Variants in PCDHGC3 observed in about 807,000 individuals in gnomAD.
PCDHGC3 encodes protocadherin gamma-C3.
PCDHGC3 carries 26 observed loss-of-function variants against 59.2 expected under a neutral mutation model. The observed-to-expected ratio is 0.44, with a 90% CI of 0.32 to 0.61. The LOEUF (loss-of-function observed/expected upper bound fraction) is 0.61. Among genes scored for constraint, PCDHGC3 ranks in the 20% least tolerant of loss-of-function variants. The pLI is 0.05. For missense variants in PCDHGC3, 1,080 were observed against 1,221.8 expected, an observed-to-expected ratio of 0.88 and a Z score of 1.73; for synonymous variants, 487 against 519.7, an observed-to-expected ratio of 0.94 and a Z score of 0.86.
At chr5:141,496,617 A>G (rs2099769939) in intron 2 of PCDHGC3, among the ~76,000 whole-genome samples, 2 of 152,236 alleles carry the variant, frequency 1.3e-5, no homozygotes, top group Admixed American at 1.3e-4. Flanking sequence ...AAAAAGCAGC[A>G]GATCAAAAGG....
intron 2 of PCDHGC3, among the ~76,000 whole-genome samples, chr5:141,504,794 A>G (rs2099841154): frequency 6.6e-6 from 1 of 151,718 alleles, no homozygotes; most frequent in African/African-American, 2.4e-5. Flanking sequence ...GGCCTCCTAC[A>G]TCTCCCCCTA....
intron 1 of PCDHGC3, among the ~76,000 whole-genome samples, chr5:141,483,599 G>A (rs1419379218): frequency 6.6e-6 from 1 of 152,048 alleles, no homozygotes; most frequent in African/African-American, 2.4e-5. Flanking sequence ...GGTCAGGCTG[G>A]TTTACACCTC....
chr5:141,487,475 C>A lies in PCDHGC3; in HGVS notation c.2431-7332C>A. 6.2e-7 allele frequency: 1 copy of A among 1,614,156 alleles called. No individual in the cohort carries two copies. The highest frequency in any genetic ancestry group is 8.5e-7 in the Non-Finnish European group (1 of 1,180,032). On this transcript the variant is annotated intron_variant, in intron 1 of 3. Transcript: ENST00000308177. This position sits in a 1 kb window ranked among gnomAD's most constrained non-coding sequence, Gnocchi z 5.0. ...TATCAAGTTTGTTGATGTGGGAGGC[C>A]ACTCTCATGGCTGTACACCCTTGGC...
chr5:141,490,132 A>G lies in PCDHGC3; in HGVS notation c.2431-4675A>G, dbSNP rs1245562757. The G allele has an allele frequency of 3.7e-6, 6 of 1,614,102 alleles. No homozygotes were observed. In the African/African-American group the frequency reaches 4.0e-5, roughly 11 times the overall value. ...GCGGAACCTCTTTGGCCTAGACCCTAGCAGTGGGGCAATCCATGTGTTGGG... is the reference window on the plus strand; with the variant it reads ...GCGGAACCTCTTTGGCCTAGACCCTGGCAGTGGGGCAATCCATGTGTTGGG... On this transcript the variant is annotated intron_variant, in intron 1 of 3. Coordinates refer to ENST00000308177, the MANE Select transcript of PCDHGC3 (RefSeq NM_002588.4). The surrounding 1 kb of genome is among the most constrained non-coding windows in gnomAD (Gnocchi z 5.4).
Position 141,490,220 on chromosome 5 carries a change from A to G in PCDHGC3, c.2431-4587A>G. 6.2e-7 allele frequency: 1 copy of G among 1,614,252 alleles called. No individual in the cohort carries two copies. Among genetic ancestry groups the G allele is most frequent in the Non-Finnish European group, 8.5e-7 (1 of 1,180,044 alleles). On this transcript the variant is annotated intron_variant, in intron 1 of 3. Coordinates refer to ENST00000308177, the MANE Select transcript of PCDHGC3 (RefSeq NM_002588.4). This position sits in a 1 kb window ranked among gnomAD's most constrained non-coding sequence, Gnocchi z 5.4. The stretch of plus-strand genomic sequence containing the variant: ...CATGCAAGAGCCCGTGACCAGGGAC[A>G]GCCTGCCATGGAGGGCCACTGTGTG...
intron 2 of PCDHGC3, among the ~76,000 whole-genome samples, chr5:141,504,948 T>C (rs1044527570): frequency 2.0e-5 from 3 of 152,080 alleles, no homozygotes; most frequent in Admixed American, 1.3e-4. Flanking sequence ...GAATGCACTA[T>C]GTTCAATGCA....
At position 141,489,088 on chromosome 5, in the gene PCDHGC3, GAC is replaced by G; in HGVS notation, c.2431-5718_2431-5717del. 5.8e-6 allele frequency: 2 copies of G among 347,236 alleles called. No homozygotes were observed. The highest frequency in any genetic ancestry group is 4.7e-5 in the East Asian group (1 of 21,502). The allele number at this position is 347,236 out of a possible 1,614,324, so 21.5% of individuals were successfully genotyped here. A position where few individuals can be genotyped will look rare whatever the true frequency, so the allele number is the denominator to read the frequency against. ...CCCCTGCCCACCCCCGCCACTCGGT[GAC>G]TAAGAACTGCTGCAAGCAGGCAAAC... On this transcript the variant is annotated intron_variant, in intron 1 of 3. Transcript: ENST00000308177. The surrounding 1 kb of genome is among the most constrained non-coding windows in gnomAD (Gnocchi z 4.5).
Position 141,476,854 on chromosome 5 carries a change from G to A in PCDHGC3, c.738G>A (p.Gln246=). The A allele has an allele frequency of 6.2e-7, 1 of 1,613,860 alleles. No individual in the cohort carries two copies. The highest frequency in any genetic ancestry group is 1.1e-5 in the South Asian group (1 of 91,088). ...DANDNAPVFN[Q]SLYRARVLED... is the part of the protein sequence containing the mutation. ...ATGACAATGCGCCTGTCTTCAACCA[G>A]TCCTTGTACCGGGCGCGCGTCCTGG... The change falls in exon 1 of 4, where the codon CAG becomes CAA. Residue 246 remains glutamine (Q), a synonymous_variant. Transcript: ENST00000308177. This position sits in a 1 kb window ranked among gnomAD's most constrained non-coding sequence, Gnocchi z 7.6.
chr5:141,477,010 C>G lies in PCDHGC3; in HGVS notation c.894C>G (p.Asp298Glu). Residue 298 changes from aspartate to glutamate, a missense_variant, in exon 1 of 4, where the codon GAC becomes GAG. Physicochemically the swap from Asp to Glu is conservative, Grantham distance 45. Coordinates refer to ENST00000308177, the MANE Select transcript of PCDHGC3 (RefSeq NM_002588.4). This position sits in a 1 kb window ranked among gnomAD's most constrained non-coding sequence, Gnocchi z 4.9. ...GCGTGCGGCAACTATTCGCCTTAGA[C>G]CTTGTAACCGGGATGCTGACAATCA... ...RAGVRQLFAL[D>E]LVTGMLTIKG... is the part of the protein sequence containing the mutation. 4 of 1,614,260 alleles carry G rather than the reference C, an allele frequency of 2.5e-6. No homozygotes were observed. Among genetic ancestry groups the G allele is most frequent in the Non-Finnish European group, 2.5e-6 (3 of 1,180,052 alleles).
Position 141,489,606 on chromosome 5 carries a change from G to A in PCDHGC3, c.2431-5201G>A. The stretch of plus-strand genomic sequence containing the variant: ...TGGAGCTAATCCGTGTAGAGGTAGA[G>A]ATCCTGGATCTCAATGACAACTCTC... On this transcript the variant is annotated intron_variant, in intron 1 of 3. Coordinates refer to ENST00000308177, the MANE Select transcript of PCDHGC3 (RefSeq NM_002588.4). This position sits in a 1 kb window ranked among gnomAD's most constrained non-coding sequence, Gnocchi z 4.5. The A allele has an allele frequency of 6.2e-7, 1 of 1,614,110 alleles. No homozygotes were observed.
At chr5:141,492,197 TA>T (rs2099738125) in intron 1 of PCDHGC3, among the ~76,000 whole-genome samples, 1 of 152,200 alleles carries the variant, frequency 6.6e-6, no homozygotes, top group African/African-American at 2.4e-5. Flanking sequence ...CTGCGGGACT[TA>T]GGTGTGCGCG....
Position 141,491,627 on chromosome 5 carries a change from A to C in PCDHGC3, c.2431-3180A>C. On this transcript the variant is annotated intron_variant, in intron 1 of 3. Transcript: ENST00000308177. The surrounding 1 kb of genome is among the most constrained non-coding windows in gnomAD (Gnocchi z 6.9). ...ACTTTTCTAAGACCCCTCAGCGTTC[A>C]GCAGCCCACAGCTCTGGCGCTGGAG... 6.2e-7 allele frequency: 1 copy of C among 1,613,924 alleles called. No homozygotes were observed. The highest frequency in any genetic ancestry group is 8.5e-7 in the Non-Finnish European group (1 of 1,180,026).
chr5:141,488,046 G>A (rs958459817), intron 1 of PCDHGC3, among the ~76,000 whole-genome samples: 1 of 152,182 alleles, frequency 6.6e-6, no homozygotes, highest in African/African-American at 2.4e-5. Flanking sequence ...CCAAGGGATT[G>A]AGGGGAAATA....
chr5:141,495,424 A>G (rs927637242), intron 2 of PCDHGC3, among the ~76,000 whole-genome samples: 2 of 152,088 alleles, frequency 1.3e-5, no homozygotes, highest in Non-Finnish European at 2.9e-5. Flanking sequence ...CCCTCCTCCC[A>G]CTGTCCTCTG....
Position 141,490,810 on chromosome 5 carries a change from T to C in PCDHGC3, c.2431-3997T>C, listed in dbSNP as rs2099704652. On this transcript the variant is annotated intron_variant, in intron 1 of 3. Transcript: ENST00000308177. This position sits in a 1 kb window ranked among gnomAD's most constrained non-coding sequence, Gnocchi z 5.4. ...GATCTTTGCCCAGCGTACCTTTGAC[T>C]ATGAATTGCTGCAGATGCTGCAGAT... 1 of 1,613,936 alleles carries C rather than the reference T, an allele frequency of 6.2e-7. No individual in the cohort carries two copies. Among genetic ancestry groups the C allele is most frequent in the Non-Finnish European group, 8.5e-7 (1 of 1,179,884 alleles).
At chr5:141,494,736 T>C in intron 1 of PCDHGC3, 71 bp from the exon 2 acceptor site, 1 of 1,611,858 alleles carries the variant, frequency 6.2e-7, no homozygotes, top group Non-Finnish European at 8.5e-7. Context: ...TCCCGGCCCA[T>C]CCCTAGGGGC....
rs747179611 is a variant in PCDHGC3 at position 141,476,473 on chromosome 5, C to T, written c.357C>T (p.Phe119=). ...ELVVENPLEL[F]SVEVVIQDIN... is the part of the protein sequence containing the mutation. ...TAGTGGAGAACCCGCTGGAGCTGTT[C>T]AGCGTGGAAGTGGTGATCCAGGACA... Residue 119 remains phenylalanine (F), a synonymous_variant, in exon 1 of 4, where the codon TTC becomes TTT. Coordinates refer to ENST00000308177, the MANE Select transcript of PCDHGC3 (RefSeq NM_002588.4). The surrounding 1 kb of genome is among the most constrained non-coding windows in gnomAD (Gnocchi z 7.6). 3.1e-6 allele frequency: 5 copies of T among 1,613,888 alleles called. No homozygotes were observed. The highest frequency in any genetic ancestry group is 3.3e-5 in the Admixed American group (2 of 59,984).
chr5:141,486,399 C>G lies in PCDHGC3; in HGVS notation c.2430+7853C>G. On this transcript the variant is annotated intron_variant, in intron 1 of 3. Transcript: ENST00000308177. The surrounding 1 kb of genome is among the most constrained non-coding windows in gnomAD (Gnocchi z 5.0). ...TTCAGGAACCAGTTCTCCCTGGTGA[C>G]TGCTGGACCCTTGGATCGAGAGGCC... The G allele has an allele frequency of 6.2e-7, 1 of 1,614,188 alleles. No individual in the cohort carries two copies. The highest frequency in any genetic ancestry group is 1.1e-5 in the South Asian group (1 of 91,090).
At chr5:141,498,967 GGGAGGGAAGGAA>G (rs1374222518) in intron 2 of PCDHGC3, among the ~76,000 whole-genome samples, 13 of 129,674 alleles carry the variant, frequency 1.0e-4, no homozygotes, top group South Asian at 5.5e-4. Context: ...GAGGGAGGGA[GGGAGGGAAGGAA>G]GGAAGGAAGG....
Sources: gnomAD v4.1 joint callset for allele counts (sites outside exome capture counted in the v4.1 genomes callset) on GRCh38, gnomAD v4.1.1 for gene constraint, Gnocchi (gnomAD v3.1) non-coding constraint, MANE v1.5 for transcripts, NCBI Gene and HGNC (gene_info 2026-07-23, HGNC 2026-07-21) for gene names.